LYPD6: variants seen among roughly 807,000 people sequenced by gnomAD.
LYPD6 encodes the protein LY6/PLAUR domain containing 6, also known as ly6/PLAUR domain-containing protein 6.
A neutral mutation model predicts 22.7 loss-of-function variants in LYPD6; 15 were observed. That is an observed-to-expected ratio of 0.66 (90% CI 0.44 to 1.02). The LOEUF is 1.02. LYPD6 is among the 50% of genes least tolerant of loss of function. LYPD6 has a pLI of 0.00. For synonymous variants in LYPD6, 72 were observed against 77.5 expected (o/e 0.93, Z 0.37); for missense variants, 189 against 208.4 (o/e 0.91, Z 0.57).
intron 3 of LYPD6, among the ~76,000 whole-genome samples, chr2:149,452,694 A>T (rs1680862629): frequency 6.6e-6 from 1 of 152,228 alleles, no homozygotes. Context: ...TGCTTAGGGG[A>T]TTCACTGAAT....
intron 1 of LYPD6, among the ~76,000 whole-genome samples, chr2:149,337,129 T>A (rs1681049634): frequency 6.6e-6 from 1 of 152,200 alleles, no homozygotes; most frequent in East Asian, 1.9e-4. Flanking sequence ...GTAAGCGCTA[T>A]GAGGACAGGC....
At chr2:149,352,382 G>A (rs539565807) in intron 1 of LYPD6, among the ~76,000 whole-genome samples, 2 of 152,288 alleles carry the variant, frequency 1.3e-5, no homozygotes, top group South Asian at 4.1e-4. Context: ...GAGAGAGAAT[G>A]ATTTAGGAGA....
intron 1 of LYPD6, among the ~76,000 whole-genome samples, chr2:149,370,060 T>G (rs946405775): frequency 3.3e-5 from 5 of 152,108 alleles, no homozygotes; most frequent in African/African-American, 1.2e-4. Context: ...GTAGATAATT[T>G]GGAGGGTGAG....
chr2:149,470,916 A>G lies in LYPD6; in HGVS notation c.*66A>G. ...TCTCGATGGTCCACAGACCTGCATG[A>G]GTCATTGGCCTGACAGTAATTACAC... is the stretch of plus-strand genomic sequence containing the variant. On this transcript the variant is annotated 3_prime_UTR_variant, in exon 5 of 5. Coordinates refer to ENST00000334166, the MANE Select transcript of LYPD6 (RefSeq NM_194317.5). 2.1e-6 allele frequency: 3 copies of G among 1,439,952 alleles called. No individual in the cohort carries two copies. Among genetic ancestry groups the G allele is most frequent in the Non-Finnish European group, 2.9e-6 (3 of 1,040,980 alleles). 89.2% of individuals were successfully genotyped at this position (1,439,952 alleles called of 1,614,324 possible).
intron 3 of LYPD6, among the ~76,000 whole-genome samples, chr2:149,457,278 T>C (rs1279342598): frequency 6.6e-6 from 1 of 151,290 alleles, no homozygotes; most frequent in Non-Finnish European, 1.5e-5. Context: ...AGATATGTTA[T>C]AGACGTCGTA....
In LYPD6 at chr2:149,347,940, G is replaced by A. The variant is rs563633943; in HGVS notation, c.-72+17218G>A. ...ATATTAAAAAATAGAGTGGAGCTGGGCGTGGTGGCTCAAGCCTGTAATCCC... is the reference window on the plus strand; with the variant it reads ...ATATTAAAAAATAGAGTGGAGCTGGACGTGGTGGCTCAAGCCTGTAATCCC... On this transcript the variant is annotated intron_variant, in intron 1 of 4. Transcript: ENST00000334166. 5.3e-5 allele frequency among the ~76,000 whole-genome samples: 8 copies of A among 152,026 alleles called. No individual in the cohort carries two copies. In the East Asian group the frequency reaches 1.5e-3, roughly 29 times the overall value.
At chr2:149,481,376 A>G in the LYPD6 span, among the ~76,000 whole-genome samples, 1 of 152,204 alleles carries the variant, frequency 6.6e-6, no homozygotes, top group Non-Finnish European at 1.5e-5. Context: ...TTGCAACATA[A>G]ATTGTTAAAG....
intron 1 of LYPD6, among the ~76,000 whole-genome samples, chr2:149,376,812 G>A (rs530944905): frequency 6.6e-6 from 1 of 152,300 alleles, no homozygotes; most frequent in Non-Finnish European, 1.5e-5. Context: ...AAGCTCACAT[G>A]TAACCATTGC....
At chr2:149,452,299 A>G (rs1573819679) in intron 3 of LYPD6, among the ~76,000 whole-genome samples, 1 of 152,330 alleles carries the variant, frequency 6.6e-6, no homozygotes, top group East Asian at 1.9e-4. Context: ...GGGTGAGGCC[A>G]CACTCAGCTT....
intron 1 of LYPD6, among the ~76,000 whole-genome samples, chr2:149,398,800 A>G (rs1682485762): frequency 6.6e-6 from 1 of 152,222 alleles, no homozygotes; most frequent in Admixed American, 6.5e-5. Context: ...GTGCAAGTCA[A>G]ACAGAATGGA....
At chr2:149,387,971 G>T (rs1682224921) in intron 1 of LYPD6, among the ~76,000 whole-genome samples, 1 of 152,128 alleles carries the variant, frequency 6.6e-6, no homozygotes, top group Non-Finnish European at 1.5e-5. Context: ...AGCACTGAAG[G>T]ATTTGCAGTT....
chr2:149,403,515 T>C (rs1469328228), intron 1 of LYPD6, among the ~76,000 whole-genome samples: 10 of 145,530 alleles, frequency 6.9e-5, no homozygotes, highest in Non-Finnish European at 9.0e-5. Context: ...GTTTTTTGGC[T>C]GCATAAATGT....
rs1258125252 is a variant in LYPD6, at chr2:149,437,282, G to C, written c.-71-356G>C. Among the ~76,000 whole-genome samples the C allele has an allele frequency of 3.9e-5, 6 of 152,180 alleles. No individual in the cohort carries two copies. In the East Asian group the frequency reaches 1.2e-3, roughly 29 times the overall value. ...CCTATCTGACCTGCACCATTCTCAG[G>C]GAAATGCTTCTGAGCTTTTGCTCCT... On this transcript the variant is annotated intron_variant, in intron 1 of 4. Coordinates refer to ENST00000334166, the MANE Select transcript of LYPD6 (RefSeq NM_194317.5).
chr2:149,334,583 GTGT>G (rs762872716), intron 1 of LYPD6, among the ~76,000 whole-genome samples: 10 of 152,096 alleles, frequency 6.6e-5, no homozygotes, highest in Non-Finnish European at 1.5e-4. Flanking sequence ...AAGAAGCCTG[GTGT>G]GTACGTGACA....
chr2:149,463,406 A>T (rs745631230), intron 3 of LYPD6, among the ~76,000 whole-genome samples: 3 of 152,152 alleles, frequency 2.0e-5, no homozygotes, highest in African/African-American at 7.2e-5. Flanking sequence ...AGGAGGAGAA[A>T]CTAGATCACT....
At chr2:149,423,076 G>A (rs555368615) in intron 1 of LYPD6, among the ~76,000 whole-genome samples, 106 of 152,110 alleles carry the variant, frequency 7.0e-4, no homozygotes, top group Middle Eastern at 3.2e-3. Flanking sequence ...AGCTGGGTTG[G>A]CAGTTGGAGG....
At chr2:149,339,009 G>C (rs1416425412) in intron 1 of LYPD6, among the ~76,000 whole-genome samples, 1 of 152,202 alleles carries the variant, frequency 6.6e-6, no homozygotes, top group African/African-American at 2.4e-5. Flanking sequence ...GGTCAAGCCA[G>C]TGCCCAGGAC....
At chr2:149,373,504 C>G (rs1242320346) in intron 1 of LYPD6, among the ~76,000 whole-genome samples, 1 of 151,986 alleles carries the variant, frequency 6.6e-6, no homozygotes, top group East Asian at 1.9e-4. Flanking sequence ...GAATAGGAGG[C>G]TGAAAAGGGA....
At chr2:149,478,184 C>G (rs73966841), downstream of LYPD6, among the ~76,000 whole-genome samples, 1 of 152,106 alleles carries the variant, frequency 6.6e-6, no homozygotes, top group Non-Finnish European at 1.5e-5. Context: ...ATTTTAAAGA[C>G]AGTGGGACAG....
Sources: allele counts gnomAD v4.1 joint callset (sites outside exome capture counted in the v4.1 genomes callset), GRCh38; gene constraint gnomAD v4.1.1; transcripts MANE v1.5; gene names NCBI Gene and HGNC (gene_info 2026-07-23, HGNC 2026-07-21).